ROBO2: variants seen among roughly 807,000 people sequenced by gnomAD.
The protein encoded by ROBO2 is roundabout homolog 2.
In ROBO2, 53 loss-of-function variants were observed where a neutral mutation model predicts 160.8. That is an observed-to-expected ratio of 0.33 (90% CI 0.26 to 0.41). The LOEUF (loss-of-function observed/expected upper bound fraction) is 0.41. Ranked by LOEUF, ROBO2 falls within the 10% of genes least tolerant of loss-of-function variation. ROBO2 has a pLI of 1.00. For synonymous variants in ROBO2, 664 were observed against 611.7 expected, an observed-to-expected ratio of 1.09 and a Z score of -1.26; for missense variants, 1,577 against 1,722.4, an observed-to-expected ratio of 0.92 and a Z score of 1.49.
chr3:76,920,983 A>G (rs1377926759), intron 2 of ROBO2, among the ~76,000 whole-genome samples: 1 of 152,224 alleles, frequency 6.6e-6, no homozygotes, highest in Non-Finnish European at 1.5e-5. Context: ...TATAAAATCT[A>G]TATGTTCAGA....
chr3:76,277,834 G>C (rs2107657654), intron 2 of ROBO2, among the ~76,000 whole-genome samples: 1 of 151,762 alleles, frequency 6.6e-6, no homozygotes, highest in African/African-American at 2.4e-5. Context: ...ACTTTATTGG[G>C]TTGAATATTG....
intron 2 of ROBO2, among the ~76,000 whole-genome samples, chr3:76,607,238 A>G (rs982810826): frequency 2.6e-5 from 4 of 152,180 alleles, no homozygotes; most frequent in Non-Finnish European, 4.4e-5. Flanking sequence ...CCTCCTGAGT[A>G]TCTGGGACTT....
At chr3:77,239,143 C>A (rs1451835961) in intron 2 of ROBO2, among the ~76,000 whole-genome samples, 1 of 152,190 alleles carries the variant, frequency 6.6e-6, no homozygotes, top group South Asian at 2.1e-4. Flanking sequence ...CGGACCCTCA[C>A]GGTGAGTGTT....
At chr3:76,924,416 A>G (rs1414969758) in intron 2 of ROBO2, among the ~76,000 whole-genome samples, 1 of 152,170 alleles carries the variant, frequency 6.6e-6, no homozygotes, top group African/African-American at 2.4e-5. Context: ...GGAAGTTACC[A>G]TCTGTGAACC....
At chr3:76,476,449 A>G (rs1414681373) in intron 2 of ROBO2, among the ~76,000 whole-genome samples, 1 of 152,162 alleles carries the variant, frequency 6.6e-6, no homozygotes, top group Non-Finnish European at 1.5e-5. Flanking sequence ...ATGATGTCGG[A>G]AACAACACCT....
chr3:77,015,281 C>T (rs903551908), intron 2 of ROBO2, among the ~76,000 whole-genome samples: 5 of 152,150 alleles, frequency 3.3e-5, no homozygotes, highest in African/African-American at 7.2e-5. Flanking sequence ...TTGTTATTAG[C>T]GGTGTCACTT....
intron 2 of ROBO2, among the ~76,000 whole-genome samples, chr3:77,354,051 A>G (rs913663536): frequency 6.6e-6 from 1 of 152,148 alleles, no homozygotes; most frequent in Non-Finnish European, 1.5e-5. Flanking sequence ...GGATCTTTAG[A>G]AAAAAACAGC....
intron 2 of ROBO2, among the ~76,000 whole-genome samples, chr3:77,274,675 C>T (rs1477933373): frequency 6.6e-6 from 1 of 152,026 alleles, no homozygotes; most frequent in East Asian, 1.9e-4. Flanking sequence ...GGCATCTCTT[C>T]CAAGTTGTAT....
intron 2 of ROBO2, among the ~76,000 whole-genome samples, chr3:76,998,903 A>C (rs1178932225): frequency 6.6e-6 from 1 of 152,176 alleles, no homozygotes; most frequent in Non-Finnish European, 1.5e-5. Context: ...TTTTTAATGG[A>C]TCTTAATATT....
At chr3:76,328,771 C>A (rs771185435) in intron 2 of ROBO2, among the ~76,000 whole-genome samples, 149 of 151,968 alleles carry the variant, frequency 9.8e-4, no homozygotes, top group East Asian at 1.6e-3. Flanking sequence ...AAGCAGGAGA[C>A]TGGCGTGAAC....
chr3:76,115,141 C>A (rs1414219467), intron 2 of ROBO2, among the ~76,000 whole-genome samples: 1 of 152,088 alleles, frequency 6.6e-6, no homozygotes, highest in East Asian at 1.9e-4. Context: ...AGGAAAAGAA[C>A]ACTAAGTTTG....
intron 2 of ROBO2, among the ~76,000 whole-genome samples, chr3:76,080,675 C>G (rs1181180543): frequency 6.6e-6 from 1 of 152,204 alleles, no homozygotes; most frequent in East Asian, 1.9e-4. Context: ...AGATGTCAGT[C>G]TTTATTTTCA....
intron 2 of ROBO2, among the ~76,000 whole-genome samples, chr3:77,350,133 G>A (rs2068156060): frequency 1.3e-5 from 2 of 151,516 alleles, no homozygotes; most frequent in South Asian, 4.2e-4. Context: ...CATATGCCGT[G>A]TGCAGTGGCT....
intron 2 of ROBO2, among the ~76,000 whole-genome samples, chr3:76,305,790 G>A (rs1453082367): frequency 6.6e-6 from 1 of 151,498 alleles, no homozygotes. Context: ...CTATTAGTTG[G>A]TCTGAAATGC....
chr3:77,237,257 A>AGT (rs1401018442), intron 2 of ROBO2, among the ~76,000 whole-genome samples: 1 of 142,870 alleles, frequency 7.0e-6, no homozygotes, highest in East Asian at 2.1e-4. Flanking sequence ...GGTGGATGGC[A>AGT]GTGGTGTGAC....
At chr3:77,382,362 TAAAAAGTC>T (rs2073609543) in intron 2 of ROBO2, among the ~76,000 whole-genome samples, 1 of 149,004 alleles carries the variant, frequency 6.7e-6, no homozygotes, top group Non-Finnish European at 1.5e-5. Flanking sequence ...TTTTTTTTTT[TAAAAAGTC>T]TTTTTTTAGG....
chr3:75,989,147 C>G (rs1333859997), intron 2 of ROBO2, among the ~76,000 whole-genome samples: 1 of 152,006 alleles, frequency 6.6e-6, no homozygotes, highest in Non-Finnish European at 1.5e-5. Flanking sequence ...GAGATGGAGT[C>G]TTGCTCTGTT....
chr3:76,095,165 T>C (rs2069390250), intron 2 of ROBO2, among the ~76,000 whole-genome samples: 1 of 151,844 alleles, frequency 6.6e-6, no homozygotes, highest in Admixed American at 6.6e-5. Context: ...GAGAAGATAA[T>C]ATGGTGAACA....
At chr3:77,535,584 G>A (rs751435147) in intron 6 of ROBO2, among the ~76,000 whole-genome samples, 37 of 152,084 alleles carry the variant, frequency 2.4e-4, no homozygotes, top group African/African-American at 4.6e-4. Context: ...TAATGAATTC[G>A]TTTTTAAGTT....
Sources: gnomAD v4.1 joint callset for allele counts (sites outside exome capture counted in the v4.1 genomes callset) on GRCh38, gnomAD v4.1.1 for gene constraint, MANE v1.5 for transcripts, NCBI Gene and HGNC (gene_info 2026-07-23, HGNC 2026-07-21) for gene names.